MSRA: variants seen among roughly 807,000 people sequenced by gnomAD.
MSRA encodes methionine sulfoxide reductase A.
In MSRA, 54 loss-of-function variants were observed where a neutral mutation model predicts 31.3. The ratio of observed to expected loss-of-function variants is 1.73; its 90% CI spans 1.39 to 2.17. MSRA has a LOEUF of 2.17. Among genes scored for constraint, MSRA ranks in the 30% most tolerant of loss-of-function variants. The probability of loss-of-function intolerance (pLI) is 0.00; values close to 1 mark genes in which losing one functional copy is unlikely to be tolerated. For synonymous variants in MSRA, 169 were observed against 116.5 expected (o/e 1.45, Z -2.90); for missense variants, 507 against 300.9 (o/e 1.69, Z -5.07).
intron 1 of MSRA, among the ~76,000 whole-genome samples, chr8:10,082,455 C>T (rs1286351476): frequency 6.6e-6 from 1 of 152,146 alleles, no homozygotes; most frequent in Non-Finnish European, 1.5e-5. Context: ...TCCTTCCTTT[C>T]GCCCTCCTAA....
At chr8:10,238,863 G>T (rs900302638) in intron 2 of MSRA, among the ~76,000 whole-genome samples, 1 of 151,852 alleles carries the variant, frequency 6.6e-6, no homozygotes, top group African/African-American at 2.4e-5. Flanking sequence ...CTTATACAAG[G>T]TACAGAAAAC....
intron 1 of MSRA, chr8:10,096,292 A>G: frequency 4.4e-6 from 5 of 1,131,348 alleles, no homozygotes; most frequent in South Asian, 4.3e-5. Flanking sequence ...AAGACACCAG[A>G]CTTCGCTTGA....
intron 5 of MSRA, among the ~76,000 whole-genome samples, chr8:10,415,117 G>A (rs1387211677): frequency 6.6e-6 from 1 of 152,190 alleles, no homozygotes; most frequent in African/African-American, 2.4e-5. Context: ...CAAATGGGTG[G>A]TTGCACATTT....
At chr8:10,279,334 T>C (rs927146616) in intron 3 of MSRA, among the ~76,000 whole-genome samples, 5 of 152,222 alleles carry the variant, frequency 3.3e-5, no homozygotes, top group African/African-American at 4.8e-5. Context: ...GGGTGGAGTT[T>C]GGACATTGAT....
At chr8:10,395,467 A>AT (rs1349787226) in intron 5 of MSRA, among the ~76,000 whole-genome samples, 1 of 152,178 alleles carries the variant, frequency 6.6e-6, no homozygotes, top group African/African-American at 2.4e-5. Flanking sequence ...ATTTAGCTGT[A>AT]TTTTTGAGCA....
At chr8:10,201,454 G>C (rs555170684) in intron 1 of MSRA, among the ~76,000 whole-genome samples, 1 of 152,230 alleles carries the variant, frequency 6.6e-6, no homozygotes, top group East Asian at 1.9e-4. Flanking sequence ...CAGTTAGGTG[G>C]TGTCCCCTGG....
intron 5 of MSRA, among the ~76,000 whole-genome samples, chr8:10,376,809 A>G (rs1253148513): frequency 6.6e-6 from 1 of 152,244 alleles, no homozygotes; most frequent in African/African-American, 2.4e-5. Flanking sequence ...TTGGTTTCAT[A>G]AAGAGATTTT....
Position 10,120,813 on chromosome 8 carries a change from G to T in MSRA, c.142+66155G>T, listed in dbSNP as rs369771019. Among the ~76,000 whole-genome samples the T allele has an allele frequency of 2.0e-4, 31 of 152,306 alleles. 1 individual carries two copies. Among genetic ancestry groups the T allele is most frequent in the African/African-American group, 7.5e-4 (31 of 41,566 alleles). ...TCCAAACGCTGTGGCTGCTGGGCTG[G>T]CTAGCCTACATGGTTTCGGCTTATT... is the stretch of plus-strand genomic sequence containing the variant. On this transcript the variant is annotated intron_variant, in intron 1 of 5. Coordinates refer to ENST00000317173, the MANE Select transcript of MSRA (RefSeq NM_012331.5).
At chr8:10,238,715 A>G (rs1172197361) in intron 2 of MSRA, among the ~76,000 whole-genome samples, 15 of 152,208 alleles carry the variant, frequency 9.9e-5, no homozygotes. Flanking sequence ...GAATATGGAA[A>G]AAAGTAAACT....
At chr8:10,240,521 G>T (rs1435664926) in intron 2 of MSRA, among the ~76,000 whole-genome samples, 1 of 152,042 alleles carries the variant, frequency 6.6e-6, no homozygotes, top group Non-Finnish European at 1.5e-5. Flanking sequence ...TTATCATGTG[G>T]TAAAGAGATC....
chr8:10,413,090 A>G (rs942843939), intron 5 of MSRA, among the ~76,000 whole-genome samples: 2 of 152,236 alleles, frequency 1.3e-5, no homozygotes, highest in Non-Finnish European at 2.9e-5. Flanking sequence ...CAGTTGGGAA[A>G]TGGAAACACC....
chr8:10,230,054 T>A (rs556344990), intron 2 of MSRA, among the ~76,000 whole-genome samples: 1 of 152,344 alleles, frequency 6.6e-6, no homozygotes, highest in Middle Eastern at 3.4e-3. Flanking sequence ...TGTTACAGTT[T>A]AATTCAGCAG....
intron 4 of MSRA, among the ~76,000 whole-genome samples, chr8:10,318,094 C>A (rs1163483524): frequency 6.6e-6 from 1 of 152,188 alleles, no homozygotes; most frequent in Non-Finnish European, 1.5e-5. Flanking sequence ...CATCCAGAAG[C>A]ACTTTGTTCC....
At chr8:10,157,638 A>G (rs1804267349) in intron 1 of MSRA, among the ~76,000 whole-genome samples, 1 of 151,998 alleles carries the variant, frequency 6.6e-6, no homozygotes, top group African/African-American at 2.4e-5. Flanking sequence ...TAAAATAATA[A>G]TAATAATAGT....
At chr8:10,157,454 T>G (rs751499744) in intron 1 of MSRA, among the ~76,000 whole-genome samples, 31 of 152,136 alleles carry the variant, frequency 2.0e-4, no homozygotes, top group Non-Finnish European at 2.9e-5. Context: ...TTCAAAGAAT[T>G]TTTAAAAAGA....
At chr8:10,397,717 C>A (rs148977871) in intron 5 of MSRA, among the ~76,000 whole-genome samples, 1 of 152,196 alleles carries the variant, frequency 6.6e-6, no homozygotes, top group Non-Finnish European at 1.5e-5. Flanking sequence ...CTCTCAAATT[C>A]CATGTAAAAA....
chr8:10,083,833 G>T (rs1327299801), intron 1 of MSRA, among the ~76,000 whole-genome samples: 1 of 152,062 alleles, frequency 6.6e-6, no homozygotes, highest in Non-Finnish European at 1.5e-5. Flanking sequence ...TCAGAGCTTG[G>T]AAATAGCATT....
chr8:10,342,036 G>A (rs1300393861), intron 5 of MSRA, among the ~76,000 whole-genome samples: 1 of 152,188 alleles, frequency 6.6e-6, no homozygotes, highest in Non-Finnish European at 1.5e-5. Context: ...TCATCTAGGA[G>A]CGTCTTTCCA....
chr8:10,296,770 C>A (rs982622463), intron 3 of MSRA, among the ~76,000 whole-genome samples: 21 of 152,290 alleles, frequency 1.4e-4, no homozygotes, highest in African/African-American at 5.1e-4. Flanking sequence ...TGCCAGGGAG[C>A]TGTGGTGTGG....
Sources: gnomAD v4.1 joint callset for allele counts (sites outside exome capture counted in the v4.1 genomes callset) on GRCh38, gnomAD v4.1.1 for gene constraint, MANE v1.5 for transcripts, NCBI Gene and HGNC (gene_info 2026-07-23, HGNC 2026-07-21) for gene names.